MOXD1: variants seen among roughly 807,000 people sequenced by gnomAD.
The protein encoded by MOXD1 is monooxygenase DBH like 1.
In MOXD1, 62 loss-of-function variants were observed where a neutral mutation model predicts 66.6. That is an observed-to-expected ratio of 0.93 (90% CI 0.76 to 1.15). The LOEUF (loss-of-function observed/expected upper bound fraction) is 1.15. Among genes scored for constraint, MOXD1 ranks in the 50% most tolerant of loss-of-function variants. MOXD1 has a pLI of 0.00. For synonymous variants in MOXD1, 303 were observed against 281.9 expected (o/e 1.07, Z -0.75); for missense variants, 847 against 754.6 (o/e 1.12, Z -1.44).
intron 7 of MOXD1, among the ~76,000 whole-genome samples, chr6:132,323,432 T>C (rs561540180): frequency 6.6e-6 from 1 of 152,308 alleles, no homozygotes; most frequent in East Asian, 1.9e-4. Flanking sequence ...TGATCCATGT[T>C]GAAATATTTT....
chr6:132,325,601 T>C (rs191647611), intron 6 of MOXD1, among the ~76,000 whole-genome samples: 10 of 152,348 alleles, frequency 6.6e-5, no homozygotes, highest in African/African-American at 1.4e-4. Flanking sequence ...CATCCAGAAC[T>C]GTGAGGAATA....
Position 132,328,745 on chromosome 6 carries a change from T to G in MOXD1, c.664-151A>C, listed in dbSNP as rs547494489. On this transcript the variant is annotated intron_variant, in intron 4 of 11. Coordinates refer to ENST00000367963, the MANE Select transcript of MOXD1 (RefSeq NM_015529.4). ...AAGGTTGTGTAGTTCAAGTCTAATT[T>G]GTTCTGGAGACAGTGACAATGGTAA... 10 of 733,486 alleles carry G rather than the reference T, an allele frequency of 1.4e-5. No individual in the cohort carries two copies. The South Asian group carries it at 2.0e-4, about 15-fold the overall frequency. The allele number at this position is 733,486 out of a possible 1,614,324, so 45.4% of individuals were successfully genotyped here. A position where few individuals can be genotyped will look rare whatever the true frequency, so the allele number is the denominator to read the frequency against.
At chr6:132,382,030 G>C (rs977280257) in intron 1 of MOXD1, among the ~76,000 whole-genome samples, 4 of 151,988 alleles carry the variant, frequency 2.6e-5, no homozygotes, top group African/African-American at 9.6e-5. Context: ...TTATATTCCA[G>C]GATTTGAAAA....
At chr6:132,342,458 C>T (rs1475437532) in intron 4 of MOXD1, among the ~76,000 whole-genome samples, 1 of 152,164 alleles carries the variant, frequency 6.6e-6, no homozygotes, top group Non-Finnish European at 1.5e-5. Flanking sequence ...AATTTTTTCT[C>T]CTTAGTTGGA....
intron 4 of MOXD1, among the ~76,000 whole-genome samples, chr6:132,366,450 G>C (rs1446546334): frequency 1.3e-5 from 2 of 152,250 alleles, no homozygotes; most frequent in East Asian, 3.9e-4. Context: ...AGACGGGGCA[G>C]TCTGTGCAAA....
At chr6:132,356,931 A>G (rs1775920448) in intron 4 of MOXD1, among the ~76,000 whole-genome samples, 1 of 152,022 alleles carries the variant, frequency 6.6e-6, no homozygotes, top group African/African-American at 2.4e-5. Flanking sequence ...GGGCACTACT[A>G]CTTTTTATTT....
At chr6:132,386,430 AAAC>A (rs1268836340) in intron 1 of MOXD1, among the ~76,000 whole-genome samples, 4 of 113,888 alleles carry the variant, frequency 3.5e-5, no homozygotes, top group African/African-American at 1.4e-4. Context: ...AAACAAAACA[AAAC>A]AAAAAAAAAA....
intron 10 of MOXD1, among the ~76,000 whole-genome samples, chr6:132,302,495 TAAC>T (rs928298824): frequency 1.3e-5 from 2 of 151,982 alleles, no homozygotes; most frequent in Non-Finnish European, 2.9e-5. Context: ...AACATATTAT[TAAC>T]AAAACATGCG....
intron 10 of MOXD1, among the ~76,000 whole-genome samples, chr6:132,308,976 C>T (rs1774760247): frequency 6.6e-6 from 1 of 152,170 alleles, no homozygotes; most frequent in Non-Finnish European, 1.5e-5. Flanking sequence ...AGGATGCCCT[C>T]TCTCACCACT....
intron 1 of MOXD1, 133 bp downstream of exon 1, chr6:132,401,030 G>C: frequency 2.5e-6 from 3 of 1,181,504 alleles, no homozygotes; most frequent in Non-Finnish European, 3.3e-6. Context: ...GAGAGTGAGC[G>C]TGGCCGGGGG....
intron 1 of MOXD1, among the ~76,000 whole-genome samples, chr6:132,400,174 A>G (rs2114705044): frequency 6.6e-6 from 1 of 152,308 alleles, no homozygotes; most frequent in South Asian, 2.1e-4. Context: ...TAAGAAGCGC[A>G]CTCTAAATCC....
At chr6:132,322,387 TAA>T (rs992393284) in intron 8 of MOXD1, among the ~76,000 whole-genome samples, 2 of 152,170 alleles carry the variant, frequency 1.3e-5, no homozygotes, top group African/African-American at 4.8e-5. Flanking sequence ...ATGTCAAGTA[TAA>T]AAAAAGAGTA....
chr6:132,385,461 A>AATTATTATTATT (rs71030795), intron 1 of MOXD1, among the ~76,000 whole-genome samples: 137 of 133,596 alleles, frequency 1.0e-3, no homozygotes, highest in Middle Eastern at 8.3e-3. Context: ...AATATACTGA[A>AATTATTATTATT]ATTATTATTA....
At chr6:132,312,376 T>C (rs986680466) in intron 10 of MOXD1, among the ~76,000 whole-genome samples, 98 of 152,302 alleles carry the variant, frequency 6.4e-4, no homozygotes, top group African/African-American at 2.4e-3. Context: ...ATTGGTAATA[T>C]TCTTCTAAGC....
intron 4 of MOXD1, among the ~76,000 whole-genome samples, chr6:132,354,164 TTTC>T (rs1346913218): frequency 1.3e-5 from 2 of 152,196 alleles, no homozygotes; most frequent in Non-Finnish European, 2.9e-5. Flanking sequence ...TAATCAGGGA[TTTC>T]TTCTTGGTTT....
At chr6:132,337,550 C>T (rs1169636223) in intron 4 of MOXD1, among the ~76,000 whole-genome samples, 3 of 152,300 alleles carry the variant, frequency 2.0e-5, no homozygotes, top group Non-Finnish European at 4.4e-5. Context: ...GAATTTCCAC[C>T]TAGGCACTTA....
chr6:132,401,452 A>G lies in MOXD1; in HGVS notation c.-26T>C. The G allele has an allele frequency of 1.4e-6, 2 of 1,466,448 alleles. No individual in the cohort carries two copies. The highest frequency in any genetic ancestry group is 4.6e-5 in the Admixed American group (2 of 43,256). 90.8% of individuals were successfully genotyped at this position (1,466,448 alleles called of 1,614,324 possible). A position where few individuals can be genotyped will look rare whatever the true frequency, so the allele number is the denominator to read the frequency against. ...CCTCGGGCGCCTCCTGCCCGCCGGT[A>G]CCGGCCTCCAGCCGCTGGGGAGTGA... On this transcript the variant is annotated 5_prime_UTR_variant, in exon 1 of 12. Coordinates refer to ENST00000367963, the MANE Select transcript of MOXD1 (RefSeq NM_015529.4).
intron 1 of MOXD1, among the ~76,000 whole-genome samples, chr6:132,388,369 G>A (rs1486033229): frequency 2.0e-5 from 3 of 151,376 alleles, no homozygotes; most frequent in African/African-American, 7.3e-5. Flanking sequence ...AAGCAGTGCT[G>A]GGATTCACAC....
At chr6:132,344,119 T>G (rs1354038480) in intron 4 of MOXD1, among the ~76,000 whole-genome samples, 2 of 152,176 alleles carry the variant, frequency 1.3e-5, no homozygotes, top group African/African-American at 4.8e-5. Flanking sequence ...CAGTGACACT[T>G]GAGTAGTATT....
Sources: allele counts gnomAD v4.1 joint callset (sites outside exome capture counted in the v4.1 genomes callset), GRCh38; gene constraint gnomAD v4.1.1; transcripts MANE v1.5; gene names NCBI Gene and HGNC (gene_info 2026-07-23, HGNC 2026-07-21).